Variants in GAPVD1 observed in about 807,000 individuals in gnomAD.
GAPVD1 encodes GTPase activating protein and VPS9 domains 1.
Under a neutral mutation model 155.5 loss-of-function variants are expected in GAPVD1, and 35 were observed. The observed-to-expected ratio is 0.23, with a 90% CI of 0.17 to 0.30. The LOEUF is 0.30. Ranked by LOEUF, GAPVD1 falls within the 10% of genes least tolerant of loss-of-function variation. The probability of loss-of-function intolerance (pLI) is 1.00; values close to 1 mark genes in which losing one functional copy is unlikely to be tolerated. For synonymous variants in GAPVD1, 636 were observed against 619.7 expected, an observed-to-expected ratio of 1.03 and a Z score of -0.39; for missense variants, 1,429 against 1,775.7, an observed-to-expected ratio of 0.80 and a Z score of 3.51.
intron 12 of GAPVD1, among the ~76,000 whole-genome samples, chr9:125,329,349 G>A (rs1845740949): frequency 6.6e-6 from 1 of 152,196 alleles, no homozygotes; most frequent in Non-Finnish European, 1.5e-5. Context: ...ATAACATTCT[G>A]TGGTTAAACT....
chr9:125,354,836 T>C lies in GAPVD1; in HGVS notation c.3752T>C (p.Ile1251Thr). 1.2e-6 allele frequency: 2 copies of C among 1,608,140 alleles called. No homozygotes were observed. The highest frequency in any genetic ancestry group is 1.7e-6 in the Non-Finnish European group (2 of 1,174,538). ...ESKEKKIREF[I>T]QDFQKLTAAD... The stretch of plus-strand genomic sequence containing the variant: ...AAAGAAAAGAAGATCAGGGAATTCA[T>C]TCAAGGTAACTCAATACCTTTAGTT... The change falls in exon 24 of 28, where the codon ATT becomes ACT. Residue 1251 changes from isoleucine to threonine, a missense_variant. Coordinates refer to ENST00000297933, the MANE Select transcript of GAPVD1 (RefSeq NM_001282680.3).
chr9:125,271,831 C>A (rs1444517288), intron 2 of GAPVD1, among the ~76,000 whole-genome samples: 1 of 151,994 alleles, frequency 6.6e-6, no homozygotes, highest in Non-Finnish European at 1.5e-5. Context: ...CCGCACCTGG[C>A]CCTCCTTTCA....
intron 2 of GAPVD1, among the ~76,000 whole-genome samples, chr9:125,284,859 T>G (rs575846778): frequency 7.9e-5 from 12 of 152,208 alleles, no homozygotes; most frequent in Non-Finnish European, 1.0e-4. Flanking sequence ...TGTTTGTGTA[T>G]CTAAACAAGA....
At chr9:125,354,613 C>CTGAATATA (rs1554789079) in intron 23 of GAPVD1, 41 bp from the exon 24 acceptor site, 1 of 1,327,786 alleles carries the variant, frequency 7.5e-7, no homozygotes, top group Non-Finnish European at 1.1e-6. Flanking sequence ...AGAGTATGCA[C>CTGAATATA]TGAATATATC....
At chr9:125,321,695 A>G in intron 10 of GAPVD1, 133 bp downstream of exon 10, 1 of 771,922 alleles carries the variant, frequency 1.3e-6, no homozygotes, top group Non-Finnish European at 2.0e-6. Flanking sequence ...ATTTCCTCTA[A>G]TGAGCCTGAA....
chr9:125,332,116 C>T, intron 14 of GAPVD1, 56 bp downstream of exon 14: 1 of 1,493,902 alleles, frequency 6.7e-7, no homozygotes, highest in East Asian at 2.3e-5. Context: ...CCCCTACCCC[C>T]TCCTATTTAT....
At chr9:125,296,457 C>G (rs954159113) in intron 3 of GAPVD1, among the ~76,000 whole-genome samples, 7 of 144,870 alleles carry the variant, frequency 4.8e-5, no homozygotes, top group Admixed American at 3.5e-4. Context: ...TGGGTTCAAG[C>G]AATGCTCTTG....
chr9:125,330,106 T>C lies in GAPVD1; in HGVS notation c.2061T>C (p.Ser687=), dbSNP rs1845873233. 28 of 1,612,196 alleles carry C rather than the reference T, an allele frequency of 1.7e-5. No homozygotes were observed. The highest frequency in any genetic ancestry group is 2.2e-5 in the Non-Finnish European group (26 of 1,179,072). ...AGAAAENMLG[S]LLCLPGSGSV... is the part of the protein sequence containing the mutation. ...CTGCAGCAGAGAACATGTTAGGCAG[T>C]TTGCTGTGCCTCCCAGGTTCAGGGT... Residue 687 remains serine (S), a synonymous_variant, in exon 13 of 28, where the codon AGT becomes AGC. Transcript: ENST00000297933.
At chr9:125,343,656 A>G (rs1036344227) in intron 19 of GAPVD1, among the ~76,000 whole-genome samples, 3 of 152,218 alleles carry the variant, frequency 2.0e-5, no homozygotes, top group African/African-American at 4.8e-5. Flanking sequence ...AGCCTGTCCT[A>G]TTCAATCAGT....
intron 2 of GAPVD1, among the ~76,000 whole-genome samples, chr9:125,270,343 T>C (rs538514291): frequency 1.3e-5 from 2 of 151,054 alleles, no homozygotes; most frequent in Non-Finnish European, 3.0e-5. Flanking sequence ...GCAGGAGAAT[T>C]GCTTGAACCT....
chr9:125,317,493 C>G (rs1843621332), intron 9 of GAPVD1, among the ~76,000 whole-genome samples: 1 of 150,996 alleles, frequency 6.6e-6, no homozygotes, highest in Non-Finnish European at 1.5e-5. Flanking sequence ...GGCCTGGTGG[C>G]ACATGCCTGT....
intron 2 of GAPVD1, among the ~76,000 whole-genome samples, chr9:125,293,914 T>C (rs1229591463): frequency 8.6e-6 from 1 of 116,620 alleles, no homozygotes; most frequent in African/African-American, 3.2e-5. Flanking sequence ...AAGTTTTTGT[T>C]TCTGTTTTTG....
At chr9:125,266,803 C>T (rs1422373302) in intron 1 of GAPVD1, among the ~76,000 whole-genome samples, 2 of 151,850 alleles carry the variant, frequency 1.3e-5, no homozygotes, top group Non-Finnish European at 2.9e-5. Flanking sequence ...CTCTGTGGTC[C>T]AGGCTGGAGT....
At chr9:125,288,091 G>T (rs1365808195) in intron 2 of GAPVD1, among the ~76,000 whole-genome samples, 1 of 150,758 alleles carries the variant, frequency 6.6e-6, no homozygotes, top group Non-Finnish European at 1.5e-5. Context: ...TGTTTTTGGT[G>T]CAGTGTGTTT....
chr9:125,277,843 T>G (rs1187106481), intron 2 of GAPVD1, among the ~76,000 whole-genome samples: 1 of 151,964 alleles, frequency 6.6e-6, no homozygotes, highest in Non-Finnish European at 1.5e-5. Flanking sequence ...ATTTTTAAAT[T>G]TTTTTATAGA....
At chr9:125,338,574 C>G (rs1162843295) in intron 17 of GAPVD1, among the ~76,000 whole-genome samples, 2 of 152,176 alleles carry the variant, frequency 1.3e-5, no homozygotes, top group Admixed American at 6.5e-5. Context: ...AATTTACAGG[C>G]CATTTGTTTT....
chr9:125,351,421 A>G (rs1005956860), intron 23 of GAPVD1, among the ~76,000 whole-genome samples: 7 of 152,198 alleles, frequency 4.6e-5, no homozygotes, highest in Admixed American at 2.0e-4. Context: ...CAGTTGCCCA[A>G]AGTCTTAACT....
intron 12 of GAPVD1, among the ~76,000 whole-genome samples, chr9:125,328,115 A>G (rs1455933458): frequency 4.6e-5 from 7 of 151,644 alleles, no homozygotes; most frequent in South Asian, 2.1e-4. Flanking sequence ...TTTGAACTTC[A>G]GTGTTTTTAA....
At chr9:125,278,704 A>C (rs1836220663) in intron 2 of GAPVD1, among the ~76,000 whole-genome samples, 1 of 151,666 alleles carries the variant, frequency 6.6e-6, no homozygotes, top group Non-Finnish European at 1.5e-5. Flanking sequence ...ATGCGGTAGT[A>C]CATGCTTGTA....
Sources: allele counts gnomAD v4.1 joint callset (sites outside exome capture counted in the v4.1 genomes callset), GRCh38; gene constraint gnomAD v4.1.1; transcripts MANE v1.5; gene names NCBI Gene and HGNC (gene_info 2026-07-23, HGNC 2026-07-21).